Variants in FHIT observed in about 807,000 individuals in gnomAD.
FHIT encodes the protein bis(5'-adenosyl)-triphosphatase.
FHIT carries 19 observed loss-of-function variants against 17.9 expected under a neutral mutation model. The ratio of observed to expected loss-of-function variants is 1.06; its 90% CI spans 0.74 to 1.56. The LOEUF (loss-of-function observed/expected upper bound fraction) is 1.56. FHIT is among the 40% of genes most tolerant of loss of function. The pLI, the probability that FHIT is intolerant of heterozygous loss-of-function variation, is 0.00. For synonymous variants in FHIT, 81 were observed against 69.7 expected, an observed-to-expected ratio of 1.16 and a Z score of -0.81; for missense variants, 248 against 189.2, an observed-to-expected ratio of 1.31 and a Z score of -1.82.
At chr3:60,298,471 A>G (rs534471871) in intron 5 of FHIT, among the ~76,000 whole-genome samples, 4 of 152,320 alleles carry the variant, frequency 2.6e-5, no homozygotes, top group South Asian at 2.1e-4. Context: ...TATGTTTATT[A>G]TATCAAAATA....
At chr3:59,885,215 G>C (rs949330074) in intron 8 of FHIT, among the ~76,000 whole-genome samples, 7 of 152,198 alleles carry the variant, frequency 4.6e-5, no homozygotes, top group African/African-American at 1.7e-4. Context: ...AGAGGAAACA[G>C]GATGAGCATT....
chr3:60,264,430 T>G (rs988476945), intron 5 of FHIT, among the ~76,000 whole-genome samples: 3 of 151,760 alleles, frequency 2.0e-5, no homozygotes, highest in Non-Finnish European at 4.4e-5. Flanking sequence ...AAAGAAAAAA[T>G]TATCACAGTG....
chr3:60,195,575 T>TATA (rs1702598557), intron 5 of FHIT, among the ~76,000 whole-genome samples: 1 of 92,738 alleles, frequency 1.1e-5, no homozygotes, highest in South Asian at 3.8e-4. Context: ...ATTTATATAA[T>TATA]TATATTTATA....
At chr3:61,127,228 A>G (rs2036632503) in intron 2 of FHIT, among the ~76,000 whole-genome samples, 1 of 152,160 alleles carries the variant, frequency 6.6e-6, no homozygotes, top group Admixed American at 6.5e-5. Flanking sequence ...AGGTGACAGT[A>G]GCTTGGGCCC....
intron 4 of FHIT, among the ~76,000 whole-genome samples, chr3:60,684,901 T>C (rs1285445087): frequency 6.6e-6 from 1 of 152,170 alleles, no homozygotes; most frequent in African/African-American, 2.4e-5. Context: ...ATTTTGAGCT[T>C]AAAGACACTT....
At chr3:60,951,471 C>T (rs534093759) in intron 3 of FHIT, among the ~76,000 whole-genome samples, 3 of 152,226 alleles carry the variant, frequency 2.0e-5, no homozygotes, top group East Asian at 1.9e-4. Context: ...CAAAAGGAAC[C>T]GTAACAAGCA....
intron 2 of FHIT, chr3:61,165,510 A>T (rs2037811082): frequency 6.6e-6 from 1 of 152,180 alleles, no homozygotes; most frequent in South Asian, 2.1e-4. Context: ...TGTTCAAAAA[A>T]TTTTGAGTAA....
At chr3:60,237,979 T>G (rs1482665936) in intron 5 of FHIT, among the ~76,000 whole-genome samples, 1 of 151,104 alleles carries the variant, frequency 6.6e-6, no homozygotes, top group African/African-American at 2.4e-5. Context: ...CTACTAAAAA[T>G]AATAATAATA....
intron 5 of FHIT, among the ~76,000 whole-genome samples, chr3:60,185,105 T>C (rs1422330111): frequency 6.6e-6 from 1 of 152,198 alleles, no homozygotes; most frequent in African/African-American, 2.4e-5. Flanking sequence ...TATTGGGAAA[T>C]GGAATTAGAA....
chr3:60,820,965 G>GCTATTATTA (rs1701905456), intron 4 of FHIT, among the ~76,000 whole-genome samples: 1 of 66,094 alleles, frequency 1.5e-5, no homozygotes. Flanking sequence ...CTACTTTCTT[G>GCTATTATTA]CTATTATTAT....
chr3:60,902,092 A>T (rs1010375047), intron 3 of FHIT, among the ~76,000 whole-genome samples: 10 of 152,200 alleles, frequency 6.6e-5, no homozygotes, highest in African/African-American at 2.4e-4. Context: ...GCATATAGTT[A>T]TATAACAAAC....
At position 60,042,678 on chromosome 3, in the gene FHIT, C is replaced by G. The variant is rs1375119603; in HGVS notation, c.104-28526G>C. Among the ~76,000 whole-genome samples, 4 of 152,080 alleles carry G rather than the reference C, an allele frequency of 2.6e-5. No homozygotes were observed. The South Asian group carries it at 8.3e-4, about 32-fold the overall frequency. The stretch of plus-strand genomic sequence containing the variant: ...ACCTGATTACCTCTGTAAAGGCCGT[C>G]TCCAGATACACTCACATTCAGAGGC... On this transcript the variant is annotated intron_variant, in intron 5 of 9. Transcript: ENST00000492590.
intron 8 of FHIT, among the ~76,000 whole-genome samples, chr3:59,795,940 T>C (rs944633216): frequency 6.6e-6 from 1 of 152,138 alleles, no homozygotes; most frequent in African/African-American, 2.4e-5. Flanking sequence ...GAACTTTTCC[T>C]TGCTTTTGTC....
At chr3:60,925,338 C>A (rs903863618) in intron 3 of FHIT, among the ~76,000 whole-genome samples, 1 of 152,112 alleles carries the variant, frequency 6.6e-6, no homozygotes, top group Non-Finnish European at 1.5e-5. Context: ...AAAGGGAAGC[C>A]CATTCAGACT....
Position 59,926,637 on chromosome 3 carries a change from G to T in FHIT, c.280-4223C>A, listed in dbSNP as rs551884854. On this transcript the variant is annotated intron_variant, in intron 7 of 9. Coordinates refer to ENST00000492590, the MANE Select transcript of FHIT (RefSeq NM_002012.4). The stretch of plus-strand genomic sequence containing the variant: ...AACAGCCCAGAGAACAAATTTCAAA[G>T]AGTGTATCACTAACGGTGTGAAATG... Among the ~76,000 whole-genome samples the T allele has an allele frequency of 8.5e-5, 13 of 152,304 alleles. No homozygotes were observed. The East Asian group carries it at 2.5e-3, about 29-fold the overall frequency.
chr3:59,930,492 A>C (rs1250029809), intron 7 of FHIT, among the ~76,000 whole-genome samples: 1 of 152,148 alleles, frequency 6.6e-6, no homozygotes, highest in Non-Finnish European at 1.5e-5. Context: ...CCAAAGCCCT[A>C]GAGCTTCCAG....
chr3:59,976,295 T>C (rs1390579766), intron 7 of FHIT, among the ~76,000 whole-genome samples: 2 of 152,050 alleles, frequency 1.3e-5, no homozygotes, highest in Middle Eastern at 3.2e-3. Context: ...GAGAATAATA[T>C]ATGGTATAAG....
intron 5 of FHIT, among the ~76,000 whole-genome samples, chr3:60,192,505 T>C (rs1162625091): frequency 6.6e-6 from 1 of 152,110 alleles, no homozygotes; most frequent in Non-Finnish European, 1.5e-5. Context: ...CTCTCCTGTA[T>C]GGGTGGACAC....
At chr3:60,559,962 G>A (rs2107641416) in intron 4 of FHIT, among the ~76,000 whole-genome samples, 1 of 152,252 alleles carries the variant, frequency 6.6e-6, no homozygotes, top group East Asian at 1.9e-4. Context: ...GGCTGTTGGG[G>A]AAAGGCCAGA....
Sources: gnomAD v4.1 joint callset for allele counts (sites outside exome capture counted in the v4.1 genomes callset) on GRCh38, gnomAD v4.1.1 for gene constraint, MANE v1.5 for transcripts, NCBI Gene and HGNC (gene_info 2026-07-23, HGNC 2026-07-21) for gene names.